The following AGPAT3 variants were observed in gnomAD, a reference collection of about 807,000 sequenced individuals.
AGPAT3 encodes the protein 1-acyl-sn-glycerol-3-phosphate acyltransferase gamma.
Under a neutral mutation model 47.3 loss-of-function variants are expected in AGPAT3, and 5 were observed. The ratio of observed to expected loss-of-function variants is 0.11; its 90% confidence interval spans 0.06 to 0.22. The LOEUF (loss-of-function observed/expected upper bound fraction) is 0.22, where lower values mean the gene tolerates loss of function less well. AGPAT3 is among the 10% of genes least tolerant of loss of function. AGPAT3 has a pLI of 1.00. For synonymous variants in AGPAT3, 212 were observed against 208.3 expected, an observed-to-expected ratio of 1.02 and a Z score of -0.15; for missense variants, 315 against 493.0, an observed-to-expected ratio of 0.64 and a Z score of 3.42.
Position 43,939,936 on chromosome 21 carries a change from G to T in AGPAT3, c.-48-19698G>T, listed in dbSNP as rs2087600109. On this transcript the variant is annotated intron_variant, in intron 2 of 9. Coordinates refer to ENST00000291572, the MANE Select transcript of AGPAT3 (RefSeq NM_020132.5). This position sits in a 1 kb window ranked among gnomAD's most constrained non-coding sequence, Gnocchi z 4.4. ...GATTAGCCGGTGCCCCGACGGCAGA[G>T]CCCGCAGCTGTGCGCAGGAGGACGA... Among the ~76,000 whole-genome samples, 2 of 152,238 alleles carry T rather than the reference G, an allele frequency of 1.3e-5. No homozygotes were observed. Among genetic ancestry groups the T allele is most frequent in the African/African-American group, 2.4e-5 (1 of 41,464 alleles).
intron 2 of AGPAT3, among the ~76,000 whole-genome samples, chr21:43,914,354 C>T (rs898634746): frequency 6.6e-6 from 1 of 152,074 alleles, no homozygotes; most frequent in Non-Finnish European, 1.5e-5. Context: ...TCTTTATGTT[C>T]TGGGAAAGTT....
rs2086393967 is a variant in AGPAT3, at chr21:43,902,990, G to A, written c.-111-967G>A. On this transcript the variant is annotated intron_variant, in intron 1 of 9. Coordinates refer to ENST00000291572, the MANE Select transcript of AGPAT3 (RefSeq NM_020132.5). ...GACTCCAGCCTGGGTAACAGAGCGAGATCCTGTCTCAAAAAAAATATGAAT... is the reference window on the plus strand; with the variant it reads ...GACTCCAGCCTGGGTAACAGAGCGAAATCCTGTCTCAAAAAAAATATGAAT... 2.0e-5 allele frequency among the ~76,000 whole-genome samples: 3 copies of A among 152,290 alleles called. 1 individual carries two copies. The South Asian group carries it at 6.2e-4, about 32-fold the overall frequency.
At chr21:43,921,522 G>A (rs965599332) in intron 2 of AGPAT3, among the ~76,000 whole-genome samples, 1 of 152,132 alleles carries the variant, frequency 6.6e-6, no homozygotes, top group African/African-American at 2.4e-5. Context: ...GAGCCCTGGC[G>A]CCATGGGATT....
chr21:43,890,985 G>C (rs923123727), intron 1 of AGPAT3, among the ~76,000 whole-genome samples: 15 of 152,122 alleles, frequency 9.9e-5, no homozygotes, highest in Admixed American at 9.8e-4. Flanking sequence ...TGAGCTGCCT[G>C]CCTTGGCCTC....
intron 2 of AGPAT3, among the ~76,000 whole-genome samples, chr21:43,928,391 T>G (rs117643087): frequency 0.01 from 1,532 of 152,210 alleles, 13 homozygotes; most frequent in Non-Finnish European, 0.017. Flanking sequence ...CCGAGTTCTG[T>G]TTCCCCACCC....
intron 2 of AGPAT3, chr21:43,950,678 G>A (rs1379384351): frequency 6.6e-6 from 1 of 152,262 alleles, no homozygotes; most frequent in African/African-American, 2.4e-5. Context: ...GCCTCCAAGG[G>A]GCCTCAAGTC....
chr21:43,874,205 T>C (rs2085685456), intron 1 of AGPAT3, among the ~76,000 whole-genome samples: 1 of 151,916 alleles, frequency 6.6e-6, no homozygotes, highest in Non-Finnish European at 1.5e-5. Flanking sequence ...ATTGTATTTT[T>C]AGTAGAGACA....
chr21:43,958,915 T>C (rs1359457761), intron 2 of AGPAT3, among the ~76,000 whole-genome samples: 6 of 139,390 alleles, frequency 4.3e-5, no homozygotes, highest in Non-Finnish European at 7.7e-5. Context: ...GGGTGGTGTG[T>C]GTGTGGCATG....
Position 43,939,662 on chromosome 21 carries a change from G to A in AGPAT3, c.-48-19972G>A, listed in dbSNP as rs982683658. Among the ~76,000 whole-genome samples, 5 of 152,222 alleles carry A rather than the reference G, an allele frequency of 3.3e-5. No individual in the cohort carries two copies. The highest frequency in any genetic ancestry group is 2.1e-4 in the South Asian group (1 of 4,836). On this transcript the variant is annotated intron_variant, in intron 2 of 9. Transcript: ENST00000291572. This position sits in a 1 kb window ranked among gnomAD's most constrained non-coding sequence, Gnocchi z 4.4. ...CACAGCCATGCCCCACATGCAGGAC[G>A]TTTGCCTATCACTTGGAGGCCTTTC... is the stretch of plus-strand genomic sequence containing the variant.
intron 1 of AGPAT3, among the ~76,000 whole-genome samples, chr21:43,871,604 GT>G (rs1412679177): frequency 1.3e-5 from 2 of 152,234 alleles, no homozygotes; most frequent in Non-Finnish European, 2.9e-5. Flanking sequence ...GATGCAAAGT[GT>G]TGTGCAGTTG....
chr21:43,896,580 G>T (rs114344920), intron 1 of AGPAT3, among the ~76,000 whole-genome samples: 2 of 152,196 alleles, frequency 1.3e-5, no homozygotes, highest in African/African-American at 4.8e-5. Flanking sequence ...ATTTGTTTAT[G>T]TCTTGTCTAC....
At chr21:43,919,356 G>A (rs543724843) in intron 2 of AGPAT3, among the ~76,000 whole-genome samples, 8 of 152,120 alleles carry the variant, frequency 5.3e-5, no homozygotes, top group East Asian at 1.9e-4. Context: ...ATGTTTTTGC[G>A]TTCTCATAGC....
rs1355951686 is a variant in AGPAT3, at chr21:43,982,067, C to T, written c.1043-237C>T. On this transcript the variant is annotated intron_variant, in intron 9 of 9. Transcript: ENST00000291572. The surrounding 1 kb of genome is among the most constrained non-coding windows in gnomAD (Gnocchi z 6.2). ...GCAGGCAGGGCAAGGTCCACGTGTCCACCTGCCTCGGACCCAGCCGGTCAG... is the reference window on the plus strand; with the variant it reads ...GCAGGCAGGGCAAGGTCCACGTGTCTACCTGCCTCGGACCCAGCCGGTCAG... 2.0e-5 allele frequency among the ~76,000 whole-genome samples: 3 copies of T among 152,356 alleles called. No individual in the cohort carries two copies. The East Asian group carries it at 5.8e-4, about 29-fold the overall frequency.
chr21:43,876,157 G>A (rs2085728706), intron 1 of AGPAT3, among the ~76,000 whole-genome samples: 1 of 151,658 alleles, frequency 6.6e-6, no homozygotes, highest in Admixed American at 6.6e-5. Context: ...TTTTTTCCAA[G>A]TTTGCCTCTC....
At chr21:43,973,345 T>C (rs2089474107) in intron 7 of AGPAT3, among the ~76,000 whole-genome samples, 2 of 152,198 alleles carry the variant, frequency 1.3e-5, no homozygotes. Context: ...GAGGGGATGA[T>C]AGCAGCTGGT....
intron 2 of AGPAT3, among the ~76,000 whole-genome samples, chr21:43,917,194 C>T (rs1000895057): frequency 6.7e-6 from 1 of 150,220 alleles, no homozygotes; most frequent in Non-Finnish European, 1.5e-5. Context: ...CACACACGTA[C>T]CGCTGTCAGC....
intron 3 of AGPAT3, among the ~76,000 whole-genome samples, chr21:43,964,469 T>C (rs2089027733): frequency 1.3e-5 from 2 of 152,004 alleles, no homozygotes; most frequent in African/African-American, 4.8e-5. Flanking sequence ...GTGCTGGGAT[T>C]ACAGGCGGGA....
chr21:43,932,276 C>T lies in AGPAT3; in HGVS notation c.-48-27358C>T, dbSNP rs2087276336. On this transcript the variant is annotated intron_variant, in intron 2 of 9. Coordinates refer to ENST00000291572, the MANE Select transcript of AGPAT3 (RefSeq NM_020132.5). This position sits in a 1 kb window ranked among gnomAD's most constrained non-coding sequence, Gnocchi z 5.2. ...CCCCTGCCCGTCCTTGCCCAAGCCCCCAGCCCCTGGTAACCACCGTGCTCC... is the reference window on the plus strand; with the variant it reads ...CCCCTGCCCGTCCTTGCCCAAGCCCTCAGCCCCTGGTAACCACCGTGCTCC... Among the ~76,000 whole-genome samples the T allele has an allele frequency of 6.6e-6, 1 of 152,178 alleles. No homozygotes were observed. Among genetic ancestry groups the T allele is most frequent in the Non-Finnish European group, 1.5e-5 (1 of 68,030 alleles).
rs192230342 is a variant in AGPAT3, at chr21:43,946,044, C to G, written c.-48-13590C>G. Among the ~76,000 whole-genome samples, 717 of 152,296 alleles carry G rather than the reference C, an allele frequency of 4.7e-3. 5 individuals are homozygous for G. Among genetic ancestry groups the G allele is most frequent in the African/African-American group, 0.016 (674 of 41,560 alleles). On this transcript the variant is annotated intron_variant, in intron 2 of 9. Transcript: ENST00000291572. ...CTCCACCAGGACTCAGGGGTTCCAG[C>G]CAAGCTCCTCTTACCAACGATGCCC...
Sources: allele counts gnomAD v4.1 joint callset (sites outside exome capture counted in the v4.1 genomes callset), GRCh38; gene constraint gnomAD v4.1.1; non-coding constraint Gnocchi (gnomAD v3.1); transcripts MANE v1.5; gene names NCBI Gene and HGNC (gene_info 2026-07-23, HGNC 2026-07-21).